RUFY3: variants seen among roughly 807,000 people sequenced by gnomAD.
RUFY3 encodes the protein RUN and FYVE domain containing 3.
RUFY3 carries 34 observed loss-of-function variants against 84.0 expected under a neutral mutation model. That is an observed-to-expected ratio of 0.40 (90% CI 0.31 to 0.54). The LOEUF (loss-of-function observed/expected upper bound fraction) is 0.54, where lower values mean the gene tolerates loss of function less well. Ranked by LOEUF, RUFY3 falls within the 20% of genes least tolerant of loss-of-function variation. RUFY3 has a pLI of 0.39. For synonymous variants in RUFY3, 242 were observed against 252.9 expected (o/e 0.96, Z 0.41); for missense variants, 507 against 736.8 (o/e 0.69, Z 3.61).
At chr4:70,743,021 A>C (rs2148651859) in intron 1 of RUFY3, among the ~76,000 whole-genome samples, 1 of 152,272 alleles carries the variant, frequency 6.6e-6, no homozygotes, top group Middle Eastern at 3.4e-3. Flanking sequence ...TGATTCATTT[A>C]GTGTGTAATG....
At chr4:70,777,435 A>T (rs748102078) in intron 7 of RUFY3, among the ~76,000 whole-genome samples, 1 of 152,214 alleles carries the variant, frequency 6.6e-6, no homozygotes, top group Admixed American at 6.5e-5. Context: ...TAGTTCTCTT[A>T]TGAAAAATAG....
chr4:70,801,121 G>A (rs1481981614), intron 15 of RUFY3, among the ~76,000 whole-genome samples: 1 of 149,946 alleles, frequency 6.7e-6, no homozygotes, highest in African/African-American at 2.5e-5. Context: ...AGTGAAGGAG[G>A]TCCAGTTACA....
chr4:70,745,618 T>C (rs985036470), intron 1 of RUFY3, among the ~76,000 whole-genome samples: 1 of 152,168 alleles, frequency 6.6e-6, no homozygotes, highest in Middle Eastern at 3.2e-3. Flanking sequence ...GGCAATAATA[T>C]ACCTGTGTAA....
At position 70,736,239 on chromosome 4, in the gene RUFY3, T is replaced by C. The variant is rs113659438; in HGVS notation, c.178+13488T>C. On this transcript the variant is annotated intron_variant, in intron 1 of 17. Transcript: ENST00000381006. ...CAGATATTTTTAATGAAAACAACTT[T>C]AGTTATAGAGGTGATATATTTGCAT... 7.4e-3 allele frequency among the ~76,000 whole-genome samples: 1,120 copies of C among 152,046 alleles called. 20 individuals carry two copies. The highest frequency in any genetic ancestry group is 0.026 in the African/African-American group (1,080 of 41,486).
chr4:70,736,172 AAAG>A (rs1254963232), intron 1 of RUFY3, among the ~76,000 whole-genome samples: 1 of 151,950 alleles, frequency 6.6e-6, no homozygotes, highest in African/African-American at 2.4e-5. Flanking sequence ...AAAAAAAAGA[AAAG>A]AAAAGGAAAG....
At chr4:70,787,780 TA>T (rs1730144520) in intron 10 of RUFY3, among the ~76,000 whole-genome samples, 1 of 152,110 alleles carries the variant, frequency 6.6e-6, no homozygotes, top group Non-Finnish European at 1.5e-5. Flanking sequence ...TGGCACATAA[TA>T]AAAATCTTAA....
At chr4:70,743,420 T>G (rs16845410) in intron 1 of RUFY3, among the ~76,000 whole-genome samples, 4,005 of 152,206 alleles carry the variant, frequency 0.026, 72 homozygotes, top group Middle Eastern at 0.054. Flanking sequence ...GGTTTAAGGC[T>G]TTAATTCCTT....
chr4:70,771,779 C>T (rs1212953580), intron 5 of RUFY3, among the ~76,000 whole-genome samples: 1 of 152,168 alleles, frequency 6.6e-6, no homozygotes, highest in Non-Finnish European at 1.5e-5. Context: ...ATCCTCCTGC[C>T]TCGGCCTCCC....
intron 8 of RUFY3, among the ~76,000 whole-genome samples, chr4:70,778,900 A>G (rs56659967): frequency 0.038 from 5,741 of 152,122 alleles, 226 homozygotes; most frequent in African/African-American, 0.1. Context: ...TATTCTGACT[A>G]GAACGGCCCA....
chr4:70,725,641 T>A (rs74868020), intron 1 of RUFY3, among the ~76,000 whole-genome samples: 2,853 of 152,300 alleles, frequency 0.019, 97 homozygotes, highest in African/African-American at 0.064. Context: ...TATATACTCT[T>A]ATTTTCAAAA....
intron 1 of RUFY3, among the ~76,000 whole-genome samples, chr4:70,744,274 CT>C: frequency 6.6e-6 from 1 of 152,108 alleles, no homozygotes; most frequent in East Asian, 1.9e-4. Context: ...TCATAGCTTC[CT>C]GCAGCCTCGA....
chr4:70,794,647 C>T (rs1731281868), intron 13 of RUFY3, 148 bp from the exon 14 acceptor site: 2 of 651,006 alleles, frequency 3.1e-6, no homozygotes, highest in East Asian at 5.5e-5. Flanking sequence ...GAAGTAGCAA[C>T]ATTATCATTT....
intron 4 of RUFY3, among the ~76,000 whole-genome samples, chr4:70,768,227 C>T (rs1726324674): frequency 6.6e-6 from 1 of 152,220 alleles, no homozygotes; most frequent in Non-Finnish European, 1.5e-5. Context: ...TGAATACCTG[C>T]TTCAACCACA....
At chr4:70,719,039 A>G (rs1741973604), upstream of RUFY3, among the ~76,000 whole-genome samples, 1 of 152,196 alleles carries the variant, frequency 6.6e-6, no homozygotes, top group South Asian at 2.1e-4. Flanking sequence ...ATAAGTTTCT[A>G]CAAATAGCAC....
intron 1 of RUFY3, among the ~76,000 whole-genome samples, chr4:70,708,429 G>A (rs1740596263): frequency 6.6e-6 from 1 of 151,892 alleles, no homozygotes; most frequent in South Asian, 2.1e-4. Flanking sequence ...CACAAGTGAT[G>A]GGATTACAGG....
At chr4:70,711,035 G>A (rs548953660) in intron 1 of RUFY3, among the ~76,000 whole-genome samples, 1 of 127,010 alleles carries the variant, frequency 7.9e-6, no homozygotes, top group African/African-American at 3.0e-5. Context: ...CTACACTCCA[G>A]CCTGGGCCAC....
chr4:70,781,351 A>C (rs1019712716), intron 8 of RUFY3, among the ~76,000 whole-genome samples: 11 of 152,086 alleles, frequency 7.2e-5, no homozygotes, highest in African/African-American at 2.4e-4. Flanking sequence ...GTTGTGGTGC[A>C]CACCTGTAGT....
chr4:70,803,681 G>T (rs559045052), intron 16 of RUFY3, among the ~76,000 whole-genome samples: 22 of 151,784 alleles, frequency 1.4e-4, no homozygotes, highest in Non-Finnish European at 2.5e-4. Flanking sequence ...CAAAGTGCTG[G>T]GATTACAGGT....
chr4:70,789,407 C>T, intron 11 of RUFY3, 88 bp from the exon 12 acceptor site: 3 of 1,226,066 alleles, frequency 2.4e-6, no homozygotes, highest in Non-Finnish European at 3.4e-6. Context: ...TTTCTGTTTT[C>T]CCACTTACCA....
Sources: allele counts gnomAD v4.1 joint callset (sites outside exome capture counted in the v4.1 genomes callset), GRCh38; gene constraint gnomAD v4.1.1; transcripts MANE v1.5; gene names NCBI Gene and HGNC (gene_info 2026-07-23, HGNC 2026-07-21).